The following PIBF1 variants were observed in gnomAD, a reference collection of about 807,000 sequenced individuals.
PIBF1 encodes the protein progesterone immunomodulatory binding factor 1.
PIBF1 carries 90 observed loss-of-function variants against 112.5 expected under a neutral mutation model. That is an observed-to-expected ratio of 0.80 (90% CI 0.67 to 0.95). The LOEUF (loss-of-function observed/expected upper bound fraction) is 0.95, where lower values mean the gene tolerates loss of function less well. PIBF1 is among the 40% of genes least tolerant of loss of function. PIBF1 has a pLI of 0.00. For synonymous variants in PIBF1, 301 were observed against 288.6 expected (o/e 1.04, Z -0.44); for missense variants, 915 against 852.3 (o/e 1.07, Z -0.92).
At chr13:72,912,844 A>G (rs778865728) in intron 12 of PIBF1, among the ~76,000 whole-genome samples, 16 of 152,028 alleles carry the variant, frequency 1.1e-4, no homozygotes, top group Non-Finnish European at 2.2e-4. Context: ...TACTTTATAT[A>G]ATATAGTATG....
intron 10 of PIBF1, among the ~76,000 whole-genome samples, chr13:72,875,754 A>G (rs983487357): frequency 1.3e-5 from 2 of 152,204 alleles, no homozygotes; most frequent in African/African-American, 4.8e-5. Context: ...TGATGTGGCT[A>G]TTAAGGTCTT....
At chr13:72,991,293 A>G (rs1368175483) in intron 16 of PIBF1, among the ~76,000 whole-genome samples, 1 of 152,188 alleles carries the variant, frequency 6.6e-6, no homozygotes, top group Non-Finnish European at 1.5e-5. Context: ...CATCATCATC[A>G]TCATCATCTG....
intron 2 of PIBF1, among the ~76,000 whole-genome samples, chr13:72,788,569 A>G (rs529864594): frequency 4.6e-5 from 7 of 152,342 alleles, no homozygotes; most frequent in East Asian, 1.9e-4. Flanking sequence ...TATTGTGTAC[A>G]TGTAAAAGGT....
chr13:72,873,257 T>A (rs1045458261), intron 10 of PIBF1, among the ~76,000 whole-genome samples: 14 of 152,126 alleles, frequency 9.2e-5, no homozygotes, highest in African/African-American at 3.4e-4. Flanking sequence ...CCACCCCTAC[T>A]TCATACATAC....
chr13:72,809,589 G>GTT (rs34696804), intron 5 of PIBF1, among the ~76,000 whole-genome samples: 4,210 of 100,794 alleles, frequency 0.042, 175 homozygotes, highest in Non-Finnish European at 0.072. Flanking sequence ...TTTTTTTTTG[G>GTT]TTTTTTTTTT....
rs1197122904 is a variant in PIBF1, at chr13:72,912,989, A to G, written c.1640-4087A>G. ...ATAGTATATAGTATGATTATACTAT[A>G]TGATTATATAAAGTTCTAGAAGAGA... On this transcript the variant is annotated intron_variant, in intron 12 of 17. Transcript: ENST00000326291. Among the ~76,000 whole-genome samples, 3 of 151,786 alleles carry G rather than the reference A, an allele frequency of 2.0e-5. 1 individual carries two copies. Among genetic ancestry groups the G allele is most frequent in the African/African-American group, 4.8e-5 (2 of 41,366 alleles).
At chr13:72,910,235 A>G (rs1466543278) in intron 12 of PIBF1, among the ~76,000 whole-genome samples, 4 of 152,202 alleles carry the variant, frequency 2.6e-5, no homozygotes, top group Non-Finnish European at 5.9e-5. Flanking sequence ...ACTGGAGTCA[A>G]AGTAATCTTT....
chr13:72,867,495 G>GTCT (rs2138406800), intron 10 of PIBF1, among the ~76,000 whole-genome samples: 1 of 152,188 alleles, frequency 6.6e-6, no homozygotes, highest in Admixed American at 6.5e-5. Context: ...AGTAAGATGT[G>GTCT]TCTATGTTCT....
chr13:72,985,265 C>T (rs989830466), intron 16 of PIBF1, among the ~76,000 whole-genome samples: 2 of 150,822 alleles, frequency 1.3e-5, no homozygotes, highest in Admixed American at 6.6e-5. Context: ...CAGTGGCTCA[C>T]GCCTGTAATC....
At position 72,931,717 on chromosome 13, in the gene PIBF1, C is replaced by CATATATATATATATATAT. The variant is rs1414425546; in HGVS notation, c.1833+450_1833+451insATATATATATATATATAT. On this transcript the variant is annotated intron_variant, in intron 14 of 17. Coordinates refer to ENST00000326291, the MANE Select transcript of PIBF1 (RefSeq NM_006346.4). ...TCTTAGCCTTATGTCATTTAAACTACGTATATATATATATATATATATATA... is the reference window on the plus strand; with the variant it reads ...TCTTAGCCTTATGTCATTTAAACTACATATATATATATATATATGTATATATATATATATATATATATA... Among the ~76,000 whole-genome samples the CATATATATATATATATAT allele has an allele frequency of 4.5e-4, 11 of 24,410 alleles. No individual in the cohort carries two copies. In the East Asian group the frequency reaches 5.5e-3, roughly 12 times the overall value. The allele number at this position is 24,410 out of a possible 152,430, so 16.0% of individuals were successfully genotyped here.
intron 16 of PIBF1, among the ~76,000 whole-genome samples, chr13:72,982,375 G>A (rs1440104296): frequency 6.6e-6 from 1 of 152,124 alleles, no homozygotes; most frequent in Non-Finnish European, 1.5e-5. Flanking sequence ...GGTTGAGGCT[G>A]CAGTGAGCAG....
At chr13:72,980,083 G>A (rs956192266) in intron 16 of PIBF1, among the ~76,000 whole-genome samples, 1 of 152,130 alleles carries the variant, frequency 6.6e-6, no homozygotes, top group Admixed American at 6.6e-5. Context: ...GAGGTTTGGG[G>A]AAGAAAAGTT....
At chr13:72,905,580 A>G (rs774322156) in intron 11 of PIBF1, among the ~76,000 whole-genome samples, 35 of 152,258 alleles carry the variant, frequency 2.3e-4, no homozygotes, top group African/African-American at 3.6e-4. Flanking sequence ...AAGCAAATCA[A>G]TGTTCAGTAT....
chr13:72,947,118 C>T (rs1475276712), intron 14 of PIBF1, among the ~76,000 whole-genome samples: 1 of 152,228 alleles, frequency 6.6e-6, no homozygotes, highest in African/African-American at 2.4e-5. Context: ...CAGGAGTTTT[C>T]ATACATCCTC....
chr13:72,933,176 A>C (rs1173669927), intron 14 of PIBF1, among the ~76,000 whole-genome samples: 1 of 152,262 alleles, frequency 6.6e-6, no homozygotes, highest in Non-Finnish European at 1.5e-5. Flanking sequence ...ATTTTCAAAA[A>C]TATTTTTTAA....
intron 17 of PIBF1, among the ~76,000 whole-genome samples, chr13:73,004,368 G>C (rs752332155): frequency 6.6e-6 from 1 of 151,904 alleles, no homozygotes; most frequent in East Asian, 1.9e-4. Context: ...GCAGGCACCC[G>C]TAATCCCAGC....
chr13:72,894,862 C>T lies in PIBF1; in HGVS notation c.1488+913C>T, dbSNP rs188537569. Among the ~76,000 whole-genome samples, 7 of 151,086 alleles carry T rather than the reference C, an allele frequency of 4.6e-5. No individual in the cohort carries two copies. In the South Asian group the frequency reaches 6.3e-4, roughly 14 times the overall value. On this transcript the variant is annotated intron_variant, in intron 11 of 17. Coordinates refer to ENST00000326291, the MANE Select transcript of PIBF1 (RefSeq NM_006346.4). ...TGATCCAGGGGCAGTGAGTGACTCA[C>T]GCCTGTAATCCCAGCACTTTTGGAG...
In PIBF1 at chr13:72,954,252, A is replaced by ACAAAACTGCCC. The variant is rs888301387; in HGVS notation, c.1834-11018_1834-11008dup. Among the ~76,000 whole-genome samples the ACAAAACTGCCC allele has an allele frequency of 1.3e-5, 2 of 152,178 alleles. 1 individual carries two copies. The highest frequency in any genetic ancestry group is 2.9e-5 in the Non-Finnish European group (2 of 68,026). ...GTTCCAGGCAGTCTACACTTAGAAC[A>ACAAAACTGCCC]CAAAACTGCCCCAAGCAGTAAGCCT... is the stretch of plus-strand genomic sequence containing the variant. On this transcript the variant is annotated intron_variant, in intron 14 of 17. Transcript: ENST00000326291.
chr13:72,931,232 C>T lies in PIBF1; in HGVS notation c.1798C>T (p.His600Tyr), dbSNP rs979871560. Residue 600 changes from histidine to tyrosine, a missense_variant, in exon 14 of 18, where the codon CAT becomes TAT. Transcript: ENST00000326291. ...CTCGCTGATTTTAAAAGATCTGGAA[C>T]ATCGAAAGGACCAAGTAACACAGCT... Reference protein sequence around the residue: ...QNSLILKDLEHRKDQVTQLSQ... With the variant: ...QNSLILKDLEYRKDQVTQLSQ... The T allele has an allele frequency of 2.5e-6, 4 of 1,612,430 alleles. No individual in the cohort carries two copies. In the African/African-American group the frequency reaches 5.3e-5, roughly 22 times the overall value.
Sources: gnomAD v4.1 joint callset for allele counts (sites outside exome capture counted in the v4.1 genomes callset) on GRCh38, gnomAD v4.1.1 for gene constraint, MANE v1.5 for transcripts, NCBI Gene and HGNC (gene_info 2026-07-23, HGNC 2026-07-21) for gene names.